NELL1: variants seen among roughly 807,000 people sequenced by gnomAD.
NELL1 encodes neural EGFL like 1.
In NELL1, 76 loss-of-function variants were observed where a neutral mutation model predicts 107.4. The ratio of observed to expected loss-of-function variants is 0.71; its 90% CI spans 0.59 to 0.86. The LOEUF is 0.86. Among genes scored for constraint, NELL1 ranks in the 40% least tolerant of loss-of-function variants. NELL1 has a pLI of 0.00. For missense variants in NELL1, 1,024 were observed against 1,005.5 expected, an observed-to-expected ratio of 1.02 and a Z score of -0.25; for synonymous variants, 353 against 341.2, an observed-to-expected ratio of 1.03 and a Z score of -0.38.
intron 14 of NELL1, among the ~76,000 whole-genome samples, chr11:21,290,398 G>GATAAATCA (rs1849225997): frequency 6.8e-6 from 1 of 146,400 alleles, no homozygotes; most frequent in South Asian, 2.1e-4. Context: ...AAAATAAATA[G>GATAAATCA]ATAAATAAAT....
intron 14 of NELL1, among the ~76,000 whole-genome samples, chr11:21,311,650 T>G (rs1849752485): frequency 6.6e-6 from 1 of 152,134 alleles, no homozygotes; most frequent in Admixed American, 6.6e-5. Flanking sequence ...TCCTTCATAA[T>G]GGATAATGCT....
chr11:21,192,217 A>G (rs1271096304), intron 13 of NELL1, among the ~76,000 whole-genome samples: 1 of 151,952 alleles, frequency 6.6e-6, no homozygotes, highest in Non-Finnish European at 1.5e-5. Context: ...ATTTAATTGA[A>G]CTAAAGATAA....
chr11:21,117,637 T>C (rs1020171908), intron 13 of NELL1, among the ~76,000 whole-genome samples: 1 of 152,092 alleles, frequency 6.6e-6, no homozygotes, highest in Non-Finnish European at 1.5e-5. Context: ...TTGGATGTTC[T>C]AAATATAAGT....
At chr11:21,461,048 T>C (rs1242716432) in intron 15 of NELL1, among the ~76,000 whole-genome samples, 1 of 152,130 alleles carries the variant, frequency 6.6e-6, no homozygotes, top group African/African-American at 2.4e-5. Context: ...CCCAAATTCT[T>C]GGATGGATTT....
chr11:20,847,925 A>G (rs2134057822), intron 4 of NELL1, among the ~76,000 whole-genome samples, 172 bp downstream of exon 4: 1 of 152,330 alleles, frequency 6.6e-6, no homozygotes, highest in African/African-American at 2.4e-5. Context: ...ACCAACTGTA[A>G]TATGATAAGA....
chr11:21,253,959 A>G (rs577303984), intron 14 of NELL1, among the ~76,000 whole-genome samples: 2 of 152,224 alleles, frequency 1.3e-5, no homozygotes, highest in East Asian at 1.9e-4. Flanking sequence ...TGAAGAAGTT[A>G]TTTTTAAGTT....
chr11:21,309,265 TATA>T (rs1301158232), intron 14 of NELL1, among the ~76,000 whole-genome samples: 1 of 38,742 alleles, frequency 2.6e-5, no homozygotes, highest in African/African-American at 7.0e-5. Flanking sequence ...TATATGTATA[TATA>T]TATATATATA....
chr11:21,176,633 A>G (rs895891275), intron 13 of NELL1, among the ~76,000 whole-genome samples: 1 of 151,868 alleles, frequency 6.6e-6, no homozygotes, highest in African/African-American at 2.4e-5. Flanking sequence ...GAAAAACTGA[A>G]GGATTCTTTA....
chr11:21,223,752 A>G (rs951977618), intron 13 of NELL1, among the ~76,000 whole-genome samples: 17 of 152,140 alleles, frequency 1.1e-4, no homozygotes, highest in African/African-American at 3.6e-4. Context: ...TGAGTTATAC[A>G]TGAGTACTAC....
intron 3 of NELL1, among the ~76,000 whole-genome samples, chr11:20,844,346 T>G (rs1201702865): frequency 6.6e-6 from 1 of 152,128 alleles, no homozygotes; most frequent in Non-Finnish European, 1.5e-5. Context: ...ATCACTGCTG[T>G]TTTCCGATAT....
chr11:20,925,566 G>A (rs747753401), intron 7 of NELL1, among the ~76,000 whole-genome samples: 6 of 151,718 alleles, frequency 4.0e-5, no homozygotes, highest in Non-Finnish European at 8.8e-5. Context: ...GATTATAGGT[G>A]TGAGTCACTG....
At chr11:20,705,767 CT>C (rs1854932109) in intron 2 of NELL1, among the ~76,000 whole-genome samples, 1 of 150,800 alleles carries the variant, frequency 6.6e-6, no homozygotes, top group African/African-American at 2.5e-5. Context: ...ACCTACTCAT[CT>C]GACAAAGGGC....
chr11:21,204,839 GT>G (rs1857353718), intron 13 of NELL1, among the ~76,000 whole-genome samples: 1 of 152,072 alleles, frequency 6.6e-6, no homozygotes, highest in Non-Finnish European at 1.5e-5. Flanking sequence ...AATCCTTTCT[GT>G]TTGTTAATTT....
At chr11:21,440,395 T>C (rs1853250513) in intron 15 of NELL1, among the ~76,000 whole-genome samples, 1 of 152,106 alleles carries the variant, frequency 6.6e-6, no homozygotes, top group African/African-American at 2.4e-5. Flanking sequence ...TTTTAGTTAG[T>C]TAATTAAAGT....
intron 14 of NELL1, among the ~76,000 whole-genome samples, chr11:21,239,284 C>A (rs904182148): frequency 1.1e-4 from 16 of 152,066 alleles, no homozygotes; most frequent in Admixed American, 6.6e-4. Flanking sequence ...TTAATGCACT[C>A]ATTGCCTTTT....
intron 2 of NELL1, among the ~76,000 whole-genome samples, chr11:20,703,340 G>A (rs946637152): frequency 3.7e-4 from 57 of 152,162 alleles, no homozygotes; most frequent in African/African-American, 1.3e-3. Context: ...TGGGATCGGT[G>A]GTGATATCCC....
intron 3 of NELL1, among the ~76,000 whole-genome samples, chr11:20,843,707 T>C (rs11025783): frequency 0.32 from 48,179 of 148,970 alleles, 8,798 homozygotes; most frequent in African/African-American, 0.49. Flanking sequence ...AATAGGATAC[T>C]TTGGTATCAA....
chr11:20,689,299 T>C (rs1854391078), intron 2 of NELL1, among the ~76,000 whole-genome samples: 1 of 152,004 alleles, frequency 6.6e-6, no homozygotes, highest in East Asian at 1.9e-4. Flanking sequence ...TTTATTATTA[T>C]TATACTTTAA....
intron 12 of NELL1, among the ~76,000 whole-genome samples, chr11:20,988,005 TACA>T (rs1336931047): frequency 2.0e-5 from 3 of 152,180 alleles, no homozygotes; most frequent in South Asian, 2.1e-4. Flanking sequence ...TTCCTGTGTT[TACA>T]ACAACTAAAC....
Sources: gnomAD v4.1 joint callset for allele counts (sites outside exome capture counted in the v4.1 genomes callset) on GRCh38, gnomAD v4.1.1 for gene constraint, MANE v1.5 for transcripts, NCBI Gene and HGNC (gene_info 2026-07-23, HGNC 2026-07-21) for gene names.